The following TEAD4 variants were observed in gnomAD, a reference collection of about 807,000 sequenced individuals.
TEAD4 encodes the protein transcriptional enhancer factor TEF-3.
TEAD4 carries 36 observed loss-of-function variants against 52.4 expected under a neutral mutation model. The ratio of observed to expected loss-of-function variants is 0.69; its 90% CI spans 0.53 to 0.91. The LOEUF is 0.91. Ranked by LOEUF, TEAD4 falls within the 40% of genes least tolerant of loss-of-function variation. The pLI, the probability that TEAD4 is intolerant of heterozygous loss-of-function variation, is 0.00. For missense variants in TEAD4, 508 were observed against 583.9 expected, an observed-to-expected ratio of 0.87 and a Z score of 1.34; for synonymous variants, 220 against 231.0, an observed-to-expected ratio of 0.95 and a Z score of 0.43.
intron 5 of TEAD4, among the ~76,000 whole-genome samples, chr12:3,013,139 A>T (rs1200546481): frequency 6.6e-6 from 1 of 151,826 alleles, no homozygotes; most frequent in Non-Finnish European, 1.5e-5. Flanking sequence ...TTTTATAGAG[A>T]TGAGGTCTCC....
At chr12:3,036,409 A>G (rs114995506) in intron 10 of TEAD4, among the ~76,000 whole-genome samples, 1,968 of 152,266 alleles carry the variant, frequency 0.013, 48 homozygotes, top group African/African-American at 0.045. Flanking sequence ...GCTCTGGGAA[A>G]ACTTCTCCAA....
At chr12:3,006,040 C>A (rs12318430) in intron 3 of TEAD4, among the ~76,000 whole-genome samples, 18,061 of 152,132 alleles carry the variant, frequency 0.12, 2,084 homozygotes, top group African/African-American at 0.3. Flanking sequence ...ATTTCATGTT[C>A]TCATCATGAA....
At chr12:2,991,657 G>A (rs1018959542) in intron 2 of TEAD4, among the ~76,000 whole-genome samples, 5 of 151,850 alleles carry the variant, frequency 3.3e-5, no homozygotes, top group Non-Finnish European at 7.4e-5. Flanking sequence ...GCAAGACTCC[G>A]TCCCCCCACA....
intron 2 of TEAD4, among the ~76,000 whole-genome samples, chr12:2,989,992 T>C (rs556901896): frequency 3.0e-4 from 46 of 152,204 alleles, no homozygotes; most frequent in Non-Finnish European, 5.7e-4. Context: ...CTATGTTCTC[T>C]TTTTCTGGAA....
rs552500941 is a variant in TEAD4, at chr12:2,990,183, T to A, written c.-29-4555T>A. On this transcript the variant is annotated intron_variant, in intron 2 of 12. Transcript: ENST00000359864. ...AGTGACTAAAATGTTTATTTTTAAA[T>A]GTTTGATGTAGTTCTTTTTCCAGCC... 3.5e-4 allele frequency among the ~76,000 whole-genome samples: 53 copies of A among 152,318 alleles called. No homozygotes were observed. The South Asian group carries it at 0.01, about 29-fold the overall frequency.
chr12:2,965,347 G>T (rs1480574956), intron 2 of TEAD4, among the ~76,000 whole-genome samples: 3 of 151,652 alleles, frequency 2.0e-5, no homozygotes, highest in African/African-American at 2.4e-5. Flanking sequence ...TTTTGTGGAG[G>T]TAGGGTCTCG....
In TEAD4 at chr12:3,021,957, T is replaced by A. The variant is rs955342974; in HGVS notation, c.837T>A (p.Gly279=). Reference sequence around the variant, plus strand: ...ATGACAAATTCCCGGAGAAAAAGGGTGGACTCAAGGATCTCTTCGAACGGG... The same window carrying A: ...ATGACAAATTCCCGGAGAAAAAGGGAGGACTCAAGGATCTCTTCGAACGGG... The change falls in exon 10 of 13, where the codon GGT becomes GGA. Residue 279 remains glycine, a synonymous_variant. Coordinates refer to ENST00000359864, the MANE Select transcript of TEAD4 (RefSeq NM_003213.4). 1 of 1,614,054 alleles carries A rather than the reference T, an allele frequency of 6.2e-7. No homozygotes were observed. The highest frequency in any genetic ancestry group is 1.3e-5 in the African/African-American group (1 of 74,932).
Position 3,021,862 on chromosome 12 carries a change from G to A in TEAD4, c.742G>A (p.Val248Met), listed in dbSNP as rs1017929050. The A allele has an allele frequency of 5.6e-6, 9 of 1,614,052 alleles. No homozygotes were observed. Among genetic ancestry groups the A allele is most frequent in the East Asian group, 2.2e-5 (1 of 44,892 alleles). The change falls in exon 10 of 13, where the codon GTG becomes ATG. Residue 248 changes from valine (V) to methionine (M), a missense_variant. Transcript: ENST00000359864. ...TCCACAGTACAACAAGCACCTGTTC[G>A]TGCACATTGGCCAGTCCAGCCCAAG...
intron 8 of TEAD4, among the ~76,000 whole-genome samples, chr12:3,020,382 G>A (rs369486999): frequency 6.2e-5 from 5 of 81,232 alleles, no homozygotes; most frequent in Admixed American, 1.6e-4. Flanking sequence ...AGTCTTGCTC[G>A]GCGGTTCCAT....
At chr12:2,993,875 G>A (rs990538196) in intron 2 of TEAD4, among the ~76,000 whole-genome samples, 5 of 152,178 alleles carry the variant, frequency 3.3e-5, no homozygotes, top group South Asian at 2.1e-4. Context: ...CTAAAGGTCC[G>A]TCTGTGCTGC....
intron 3 of TEAD4, among the ~76,000 whole-genome samples, chr12:2,999,292 T>A (rs2098249732): frequency 2.0e-5 from 3 of 151,768 alleles, no homozygotes; most frequent in Non-Finnish European, 4.4e-5. Context: ...TGGTCTTTTC[T>A]CCCCCCTCAC....
chr12:2,987,581 C>G (rs945943411), intron 2 of TEAD4, among the ~76,000 whole-genome samples: 45 of 151,842 alleles, frequency 3.0e-4, no homozygotes, highest in Non-Finnish European at 5.6e-4. Context: ...ACTACAGGTG[C>G]CCGCCACTGC....
In TEAD4 at chr12:2,994,980, G is replaced by A. The variant is rs752536361; in HGVS notation, c.214G>A (p.Gly72Ser). The A allele has an allele frequency of 9.3e-6, 15 of 1,613,840 alleles. No homozygotes were observed. The South Asian group carries it at 1.1e-4, about 12-fold the overall frequency. Residue 72 changes from glycine to serine, a missense_variant, in exon 3 of 13, where the codon GGC (glycine) becomes AGC (serine). Transcript: ENST00000359864. The surrounding 1 kb of genome is among the most constrained non-coding windows in gnomAD (Gnocchi z 4.7). ...GCGCAAAATCATCCTGTCGGACGAGGGCAAGATGTATGGTAAGGAGCCCGT... is the reference window on the plus strand; with the variant it reads ...GCGCAAAATCATCCTGTCGGACGAGAGCAAGATGTATGGTAAGGAGCCCGT...
chr12:3,011,885 C>T (rs575638535), intron 4 of TEAD4, among the ~76,000 whole-genome samples: 13 of 152,228 alleles, frequency 8.5e-5, no homozygotes, highest in East Asian at 3.9e-4. Context: ...AGGCTGGTCT[C>T]GAACTCCTGA....
intron 11 of TEAD4, among the ~76,000 whole-genome samples, chr12:3,038,432 G>C (rs975308679): frequency 6.6e-6 from 1 of 152,236 alleles, no homozygotes; most frequent in Admixed American, 6.5e-5. Context: ...CTTCACAGTG[G>C]AGGCCCAGAG....
At chr12:3,039,812 A>T (rs558567656) in intron 11 of TEAD4, among the ~76,000 whole-genome samples, 1 of 152,244 alleles carries the variant, frequency 6.6e-6, no homozygotes, top group Admixed American at 6.5e-5. Context: ...CTCAGCCTCC[A>T]GAGTAGCTGG....
At chr12:3,020,189 G>A (rs1277386961) in intron 8 of TEAD4, among the ~76,000 whole-genome samples, 2 of 152,234 alleles carry the variant, frequency 1.3e-5, no homozygotes, top group African/African-American at 4.8e-5. Flanking sequence ...CTGGGAGCGG[G>A]GGAGACACAT....
chr12:3,024,537 G>A lies in TEAD4; in HGVS notation c.897+2520G>A, dbSNP rs190891155. 5.2e-3 allele frequency among the ~76,000 whole-genome samples: 797 copies of A among 152,188 alleles called. 1 individual carries two copies. Among genetic ancestry groups the A allele is most frequent in the Admixed American group, 0.012 (184 of 15,276 alleles). ...CTGGGTGTGGTGGTGTGTGCCTGTG[G>A]TCTCAGCTACTCAGGAGGCTGAAGT... On this transcript the variant is annotated intron_variant, in intron 10 of 12. Transcript: ENST00000359864.
intron 11 of TEAD4, among the ~76,000 whole-genome samples, 186 bp downstream of exon 11, chr12:3,038,294 C>G (rs562396917): frequency 6.6e-6 from 1 of 152,348 alleles, no homozygotes; most frequent in South Asian, 2.1e-4. Flanking sequence ...TCCTGCCCAG[C>G]TAACCAGAGC....
Sources: gnomAD v4.1 joint callset for allele counts (sites outside exome capture counted in the v4.1 genomes callset) on GRCh38, gnomAD v4.1.1 for gene constraint, Gnocchi (gnomAD v3.1) non-coding constraint, MANE v1.5 for transcripts, NCBI Gene and HGNC (gene_info 2026-07-23, HGNC 2026-07-21) for gene names.